Variants in PCDH15 observed in about 807,000 individuals in gnomAD.
PCDH15 encodes protocadherin related 15.
In PCDH15, 129 loss-of-function variants were observed where a neutral mutation model predicts 178.5. That is an observed-to-expected ratio of 0.72 (90% CI 0.63 to 0.84). The LOEUF (loss-of-function observed/expected upper bound fraction) is 0.84. Ranked by LOEUF, PCDH15 falls within the 40% of genes least tolerant of loss-of-function variation. The pLI is 0.00. For missense variants in PCDH15, 2,230 were observed against 2,099.9 expected (o/e 1.06, Z -1.21); for synonymous variants, 800 against 732.0 (o/e 1.09, Z -1.50).
chr10:54,396,891 G>A (rs1259975915), intron 3 of PCDH15, among the ~76,000 whole-genome samples: 3 of 151,588 alleles, frequency 2.0e-5, no homozygotes, highest in Admixed American at 6.6e-5. Context: ...CAAATATTCC[G>A]ACAGTGGAAA....
intron 1 of PCDH15, among the ~76,000 whole-genome samples, chr10:54,695,443 AAGTG>A (rs1461317640): frequency 1.3e-5 from 2 of 152,160 alleles, no homozygotes; most frequent in Non-Finnish European, 2.9e-5. Context: ...CATAACATAA[AAGTG>A]TAAGATGAAG....
intron 13 of PCDH15, among the ~76,000 whole-genome samples, chr10:54,180,823 G>T (rs1412428536): frequency 6.6e-6 from 1 of 152,082 alleles, no homozygotes; most frequent in Non-Finnish European, 1.5e-5. Flanking sequence ...TTTTAAAATT[G>T]TGGGCATGCT....
chr10:54,797,807 G>C (rs1221846208), intron 1 of PCDH15, among the ~76,000 whole-genome samples: 1 of 151,916 alleles, frequency 6.6e-6, no homozygotes, highest in Non-Finnish European at 1.5e-5. Flanking sequence ...TGTGGGCAGG[G>C]GGGGAGCGGG....
At chr10:53,914,556 T>C (rs886323390) in intron 25 of PCDH15, among the ~76,000 whole-genome samples, 14 of 152,076 alleles carry the variant, frequency 9.2e-5, no homozygotes, top group Non-Finnish European at 1.2e-4. Context: ...TAGGTGGGAA[T>C]TGAACAATGA....
chr10:55,429,007 TCC>T (rs1838822031), intron 2 of PCDH15, among the ~76,000 whole-genome samples: 5 of 152,064 alleles, frequency 3.3e-5, no homozygotes, highest in Non-Finnish European at 7.4e-5. Flanking sequence ...CTTTATTTTC[TCC>T]TCTCCAGGCT....
rs866920137 is a variant in PCDH15 at position 53,827,519 on chromosome 10, C to A, written c.4241G>T (p.Arg1414Leu). The A allele has an allele frequency of 6.2e-7, 1 of 1,613,962 alleles. No homozygotes were observed. Among genetic ancestry groups the A allele is most frequent in the African/African-American group, 1.3e-5 (1 of 74,922 alleles). The change falls in exon 32 of 38, where the codon CGA becomes CTA. Residue 1414 changes from arginine (R) to leucine (L), a missense_variant. By Grantham distance (102) the Arg-to-Leu change is moderately radical (BLOSUM62 -2). Coordinates refer to ENST00000644397, the MANE Select transcript of PCDH15 (RefSeq NM_001384140.1). ...VRQAECTKTA[R>L]IQAALPAAKP... ...AGCCGCGGGTAATGCGGCCTGAATT[C>A]GTGCAGTCTTTGTACACTCAGCTTG...
At chr10:54,763,704 C>A (rs1948164144) in intron 1 of PCDH15, among the ~76,000 whole-genome samples, 1 of 149,548 alleles carries the variant, frequency 6.7e-6, no homozygotes, top group Admixed American at 6.7e-5. Context: ...ATGCATGTAT[C>A]AAAATATCAC....
At chr10:54,148,683 G>T (rs1438825095) in intron 14 of PCDH15, among the ~76,000 whole-genome samples, 2 of 151,878 alleles carry the variant, frequency 1.3e-5, no homozygotes, top group East Asian at 3.9e-4. Flanking sequence ...CAAGCCATGT[G>T]CACCCCTATT....
At chr10:54,392,999 A>T (rs1348606129) in intron 3 of PCDH15, among the ~76,000 whole-genome samples, 1 of 151,970 alleles carries the variant, frequency 6.6e-6, no homozygotes, top group African/African-American at 2.4e-5. Flanking sequence ...TTAATCACTG[A>T]TATGTGATTA....
chr10:55,099,425 T>G (rs1365445631), intron 2 of PCDH15, among the ~76,000 whole-genome samples: 1 of 152,006 alleles, frequency 6.6e-6, no homozygotes, highest in African/African-American at 2.4e-5. Flanking sequence ...AAATCTGAAC[T>G]AAATGAGAAA....
At position 54,032,066 on chromosome 10, in the gene PCDH15, C is replaced by T. The variant is rs891136860; in HGVS notation, c.2221-8869G>A. ...ATTAAATTATATTTAGTTTTCCAACCTCTTCTTACTTCTATTTCTCCAACT... is the reference window on the plus strand; with the variant it reads ...ATTAAATTATATTTAGTTTTCCAACTTCTTCTTACTTCTATTTCTCCAACT... On this transcript the variant is annotated intron_variant, in intron 18 of 37. Transcript: ENST00000644397. Among the ~76,000 whole-genome samples, 4 of 151,214 alleles carry T rather than the reference C, an allele frequency of 2.6e-5. No individual in the cohort carries two copies. The Admixed American group carries it at 2.6e-4, about 10-fold the overall frequency.
intron 3 of PCDH15, among the ~76,000 whole-genome samples, chr10:54,400,622 C>T (rs1326696862): frequency 6.6e-6 from 1 of 151,970 alleles, no homozygotes; most frequent in Admixed American, 6.6e-5. Context: ...TGTACTCTTT[C>T]AGTGCCCTGG....
intron 2 of PCDH15, among the ~76,000 whole-genome samples, chr10:55,591,664 G>A (rs1487084354): frequency 6.6e-6 from 1 of 152,052 alleles, no homozygotes; most frequent in African/African-American, 2.4e-5. Context: ...GAGTATCAGG[G>A]GAGGAGTAAG....
upstream of PCDH15, among the ~76,000 whole-genome samples, chr10:55,324,576 A>C (rs1843983442): frequency 6.6e-6 from 1 of 152,216 alleles, no homozygotes; most frequent in Admixed American, 6.5e-5. Context: ...CAGATTTATA[A>C]AGCAAGTACT....
chr10:54,024,579 A>T (rs1037978184), intron 18 of PCDH15, among the ~76,000 whole-genome samples: 1 of 152,166 alleles, frequency 6.6e-6, no homozygotes, highest in Non-Finnish European at 1.5e-5. Context: ...TCATAATGCC[A>T]AGCATTTCAG....
intron 13 of PCDH15, among the ~76,000 whole-genome samples, chr10:54,182,090 T>C (rs2048037656): frequency 1.3e-5 from 2 of 152,192 alleles, no homozygotes; most frequent in African/African-American, 2.4e-5. Flanking sequence ...CCCGAGTAGC[T>C]GGGACTACAG....
At position 55,015,053 on chromosome 10, in the gene PCDH15, T is replaced by A. The variant is rs565942053; in HGVS notation, c.-79-117553A>T. ...CTGAGCAACATGGTGAAACCCCATCTCTACTAAGAATATAAAAATTAGCTG... is the reference window on the plus strand; with the variant it reads ...CTGAGCAACATGGTGAAACCCCATCACTACTAAGAATATAAAAATTAGCTG... On this transcript the variant is annotated intron_variant, in intron 2 of 5. Coordinates refer to the PCDH15 transcript ENST00000458638. 7.6e-4 allele frequency among the ~76,000 whole-genome samples: 116 copies of A among 152,086 alleles called. 1 individual carries two copies. In the Middle Eastern group the frequency reaches 0.02, roughly 27 times the overall value.
chr10:54,357,330 T>C (rs1945182306), intron 5 of PCDH15, among the ~76,000 whole-genome samples: 1 of 152,130 alleles, frequency 6.6e-6, no homozygotes, highest in African/African-American at 2.4e-5. Flanking sequence ...GGATACAAAA[T>C]CAATGTACAA....
intron 1 of PCDH15, among the ~76,000 whole-genome samples, chr10:55,175,822 C>T (rs1187342823): frequency 6.6e-6 from 1 of 151,908 alleles, no homozygotes; most frequent in African/African-American, 2.4e-5. Context: ...CTAGTGGCTA[C>T]ATTGTAGGTT....
Sources: gnomAD v4.1 joint callset for allele counts (sites outside exome capture counted in the v4.1 genomes callset) on GRCh38, gnomAD v4.1.1 for gene constraint, MANE v1.5 for transcripts, NCBI Gene and HGNC (gene_info 2026-07-23, HGNC 2026-07-21) for gene names.